The following KIAA1217 variants were observed in gnomAD, a reference collection of about 807,000 sequenced individuals.
KIAA1217 encodes sickle tail protein homolog.
A neutral mutation model predicts 163.9 loss-of-function variants in KIAA1217; 88 were observed. The ratio of observed to expected loss-of-function variants is 0.54; its 90% CI spans 0.45 to 0.64. The LOEUF (loss-of-function observed/expected upper bound fraction) is 0.64. Ranked by LOEUF, KIAA1217 falls within the 30% of genes least tolerant of loss-of-function variation. KIAA1217 has a pLI of 0.00. For synonymous variants in KIAA1217, 903 were observed against 923.1 expected (o/e 0.98, Z 0.39); for missense variants, 2,372 against 2,475.0 (o/e 0.96, Z 0.88).
chr10:24,173,996 C>A (rs1168243777), intron 2 of KIAA1217, among the ~76,000 whole-genome samples: 2 of 152,196 alleles, frequency 1.3e-5, no homozygotes, highest in East Asian at 1.9e-4. Context: ...CCTTGTGACA[C>A]CTGCCATGTT....
At chr10:23,894,310 A>G (rs1016799909) in intron 1 of KIAA1217, among the ~76,000 whole-genome samples, 5 of 152,034 alleles carry the variant, frequency 3.3e-5, no homozygotes, top group Non-Finnish European at 7.4e-5. Context: ...TACAAAATCA[A>G]TGTACAAAAA....
intron 13 of KIAA1217, among the ~76,000 whole-genome samples, chr10:24,525,835 C>T (rs2072061233): frequency 6.6e-6 from 1 of 151,898 alleles, no homozygotes; most frequent in Admixed American, 6.6e-5. Flanking sequence ...AAAAAAAATA[C>T]AAAAATTAGC....
intron 2 of KIAA1217, among the ~76,000 whole-genome samples, chr10:24,094,015 G>A (rs1421210230): frequency 1.3e-5 from 2 of 151,934 alleles, no homozygotes; most frequent in East Asian, 1.9e-4. Flanking sequence ...ATTCCATGGT[G>A]TATATGTGCC....
At chr10:23,980,025 G>A (rs920820103) in intron 1 of KIAA1217, among the ~76,000 whole-genome samples, 2 of 152,014 alleles carry the variant, frequency 1.3e-5, no homozygotes, top group South Asian at 2.1e-4. Context: ...GTCATTTCAC[G>A]AATACCATAT....
chr10:24,229,112 A>G (rs932086005), intron 2 of KIAA1217, among the ~76,000 whole-genome samples: 9 of 152,204 alleles, frequency 5.9e-5, no homozygotes, highest in African/African-American at 1.7e-4. Context: ...GCTCTGATCT[A>G]TATCTGTCTA....
At chr10:24,324,293 ACTGTGGCTCACGC>A (rs2044577136) in intron 2 of KIAA1217, among the ~76,000 whole-genome samples, 1 of 149,026 alleles carries the variant, frequency 6.7e-6, no homozygotes. Context: ...CAGGCCGGGC[ACTGTGGCTCACGC>A]CTGTAATCCC....
intron 1 of KIAA1217, among the ~76,000 whole-genome samples, chr10:23,736,648 A>G (rs1838820862): frequency 6.6e-6 from 1 of 151,964 alleles, no homozygotes; most frequent in Non-Finnish European, 1.5e-5. Context: ...TCAGCTTCCC[A>G]TGTAGTTGGG....
At chr10:23,818,011 A>G (rs1837413519) in intron 1 of KIAA1217, among the ~76,000 whole-genome samples, 1 of 109,900 alleles carries the variant, frequency 9.1e-6, no homozygotes, top group African/African-American at 4.2e-5. Context: ...ATATATATAC[A>G]CACATATATA....
intron 4 of KIAA1217, among the ~76,000 whole-genome samples, chr10:24,435,068 A>G (rs1591907582): frequency 6.6e-6 from 1 of 152,260 alleles, no homozygotes. Flanking sequence ...CTTTTAAAAA[A>G]TATGCCTCTA....
intron 2 of KIAA1217, among the ~76,000 whole-genome samples, chr10:24,014,636 G>C (rs950463266): frequency 1.3e-5 from 2 of 152,134 alleles, no homozygotes; most frequent in Admixed American, 6.6e-5. Flanking sequence ...GATCAATACA[G>C]CATCTAACTC....
intron 3 of KIAA1217, among the ~76,000 whole-genome samples, chr10:24,398,803 C>A (rs1043431436): frequency 3.9e-5 from 6 of 152,114 alleles, no homozygotes; most frequent in Admixed American, 1.3e-4. Context: ...CAGTGGCATG[C>A]CCCCAGAAGA....
chr10:23,801,865 TTGAC>T (rs1249509295), intron 1 of KIAA1217, among the ~76,000 whole-genome samples: 1 of 152,218 alleles, frequency 6.6e-6, no homozygotes, highest in Non-Finnish European at 1.5e-5. Context: ...ACAAAGCTTT[TTGAC>T]AACGTGATTA....
chr10:24,001,994 A>G (rs1040396748), intron 1 of KIAA1217, among the ~76,000 whole-genome samples: 2 of 152,168 alleles, frequency 1.3e-5, no homozygotes, highest in African/African-American at 4.8e-5. Flanking sequence ...TGAATAAGCA[A>G]CTGCCAGTAG....
chr10:24,451,463 C>T (rs1415191373), intron 5 of KIAA1217, among the ~76,000 whole-genome samples: 1 of 152,236 alleles, frequency 6.6e-6, no homozygotes, highest in Non-Finnish European at 1.5e-5. Flanking sequence ...GAGACATCAA[C>T]ACAGCAGCAA....
intron 3 of KIAA1217, among the ~76,000 whole-genome samples, chr10:24,382,151 T>C (rs2053404586): frequency 6.6e-6 from 1 of 152,146 alleles, no homozygotes; most frequent in African/African-American, 2.4e-5. Context: ...ATGTTTCTTA[T>C]GCTTCATTGC....
chr10:24,186,645 C>T (rs921956153), intron 2 of KIAA1217, among the ~76,000 whole-genome samples: 1 of 152,142 alleles, frequency 6.6e-6, no homozygotes, highest in African/African-American at 2.4e-5. Context: ...AATCCCACCA[C>T]TTTGAGAGGC....
At chr10:24,141,200 C>CTCTTA (rs1302367869) in intron 2 of KIAA1217, among the ~76,000 whole-genome samples, 6 of 146,286 alleles carry the variant, frequency 4.1e-5, no homozygotes, top group Admixed American at 2.8e-4. Flanking sequence ...AAAAAGGAGT[C>CTCTTA]TCTTAATGCT....
chr10:23,711,150 G>T (rs932142582), intron 1 of KIAA1217, among the ~76,000 whole-genome samples: 6 of 152,118 alleles, frequency 3.9e-5, no homozygotes, highest in Non-Finnish European at 8.8e-5. Context: ...GGATGAGGCT[G>T]GCAGGTTGGT....
intron 2 of KIAA1217, among the ~76,000 whole-genome samples, chr10:24,130,519 A>G (rs1362242942): frequency 6.6e-6 from 1 of 152,182 alleles, no homozygotes; most frequent in Non-Finnish European, 1.5e-5. Flanking sequence ...GTAGTATCCA[A>G]CTCCATATGT....
Sources: gnomAD v4.1 joint callset for allele counts (sites outside exome capture counted in the v4.1 genomes callset) on GRCh38, gnomAD v4.1.1 for gene constraint, MANE v1.5 for transcripts, NCBI Gene and HGNC (gene_info 2026-07-23, HGNC 2026-07-21) for gene names.